Variants in ZNF676 observed in about 807,000 individuals in gnomAD.
The protein encoded by ZNF676 is zinc finger protein 676.
A neutral mutation model predicts 6.0 loss-of-function variants in ZNF676; 4 were observed. The ratio of observed to expected loss-of-function variants is 0.67; its 90% CI spans 0.33 to 1.53. The LOEUF is 1.53. ZNF676 is among the 40% of genes most tolerant of loss of function. The probability of loss-of-function intolerance (pLI) is 0.06; values close to 1 mark genes in which losing one functional copy is unlikely to be tolerated. For synonymous variants in ZNF676, 198 were observed against 223.1 expected (o/e 0.89, Z 1.00); for missense variants, 644 against 679.7 (o/e 0.95, Z 0.58).
At chr19:22,252,394 GA>G in the ZNF676 span, among the ~76,000 whole-genome samples, 9 of 126,488 alleles carry the variant, frequency 7.1e-5, no homozygotes, top group African/African-American at 1.6e-4. Flanking sequence ...GACTCTGTCT[GA>G]AAAAAAAAAA....
At chr19:22,258,781 G>A in the ZNF676 span, among the ~76,000 whole-genome samples, 1 of 152,132 alleles carries the variant, frequency 6.6e-6, no homozygotes, top group Non-Finnish European at 1.5e-5. Context: ...CCTAGGTCCT[G>A]AGTTCAGCGA....
intron 2 of ZNF676, among the ~76,000 whole-genome samples, chr19:22,186,432 C>T (rs1294249096): frequency 6.6e-6 from 1 of 152,120 alleles, no homozygotes; most frequent in Non-Finnish European, 1.5e-5. Context: ...AAAAACATAC[C>T]AAATTGTAAA....
At chr19:22,209,729 C>T (rs2024111599) in intron 1 of ZNF676, among the ~76,000 whole-genome samples, 2 of 152,096 alleles carry the variant, frequency 1.3e-5, no homozygotes, top group African/African-American at 2.4e-5. Flanking sequence ...TAGATAGTGG[C>T]CCAGGTGGGG....
the ZNF676 span, among the ~76,000 whole-genome samples, chr19:22,224,498 CTAAG>C: frequency 6.6e-6 from 1 of 151,854 alleles, no homozygotes; most frequent in Non-Finnish European, 1.5e-5. Flanking sequence ...TTTATCTTGT[CTAAG>C]TGAGTAGTTG....
At chr19:22,203,212 A>G (rs910647070) in intron 1 of ZNF676, 15 of 160,020 alleles carry the variant, frequency 9.4e-5, no homozygotes, top group Admixed American at 7.2e-4. Flanking sequence ...AAAAGGGAGC[A>G]CTGTTTCAGC....
chr19:22,192,388 T>C (rs897709442), intron 2 of ZNF676, among the ~76,000 whole-genome samples: 1 of 152,130 alleles, frequency 6.6e-6, no homozygotes, highest in African/African-American at 2.4e-5. Context: ...AAGTGATCTC[T>C]AGATTCAGTA....
At chr19:22,197,176 G>A (rs2023976063), upstream of ZNF676, among the ~76,000 whole-genome samples, 1 of 152,086 alleles carries the variant, frequency 6.6e-6, no homozygotes, top group South Asian at 2.1e-4. Flanking sequence ...CACAAAATTA[G>A]CCATGCATGG....
upstream of ZNF676, among the ~76,000 whole-genome samples, chr19:22,200,770 G>A (rs537551358): frequency 5.9e-4 from 90 of 152,020 alleles, no homozygotes; most frequent in African/African-American, 1.8e-3. Context: ...AGCTGGTCTC[G>A]AACTCCTGAC....
Position 22,205,764 on chromosome 19 carries a change from G to C in ZNF676, c.4-9038C>G, listed in dbSNP as rs960706355. Among the ~76,000 whole-genome samples, 425 of 152,020 alleles carry C rather than the reference G, an allele frequency of 2.8e-3. 4 individuals are homozygous for C. Among genetic ancestry groups the C allele is most frequent in the African/African-American group, 9.8e-3 (405 of 41,492 alleles). On this transcript the variant is annotated intron_variant, in intron 1 of 3. Coordinates refer to the ZNF676 transcript ENST00000650058. ...AAATAAAAGACTGAGAGCAACAAAA[G>C]CAAATCAGCCCCTAAGCTAGCAAAA... is the stretch of plus-strand genomic sequence containing the variant.
At chr19:22,192,296 T>C (rs1484660130) in intron 2 of ZNF676, among the ~76,000 whole-genome samples, 1 of 152,068 alleles carries the variant, frequency 6.6e-6, no homozygotes, top group African/African-American at 2.4e-5. Flanking sequence ...GATTTATCAA[T>C]GAAAAATGAG....
At chr19:22,215,543 G>A (rs1209500243) in intron 1 of ZNF676, 2 of 1,462,982 alleles carry the variant, frequency 1.4e-6, no homozygotes, top group South Asian at 1.2e-5. Context: ...AGCTGACTGC[G>A]GGTAGGCTTG....
chr19:22,252,179 G>A, the ZNF676 span, among the ~76,000 whole-genome samples: 1 of 152,098 alleles, frequency 6.6e-6, no homozygotes, highest in East Asian at 1.9e-4. Flanking sequence ...TGGATTGCCT[G>A]AGATCAAGAG....
the ZNF676 span, among the ~76,000 whole-genome samples, chr19:22,232,917 G>T: frequency 1.3e-5 from 2 of 152,056 alleles, no homozygotes; most frequent in African/African-American, 4.8e-5. Flanking sequence ...ACTACATTTT[G>T]AAGAAATAGA....
chr19:22,214,443 C>T (rs1045734533), intron 1 of ZNF676, among the ~76,000 whole-genome samples: 3 of 151,224 alleles, frequency 2.0e-5, no homozygotes, highest in African/African-American at 7.3e-5. Flanking sequence ...GGTGAAACCC[C>T]GTCCCTATTA....
chr19:22,252,033 A>T, the ZNF676 span, among the ~76,000 whole-genome samples: 1 of 152,318 alleles, frequency 6.6e-6, no homozygotes, highest in South Asian at 2.1e-4. Flanking sequence ...TAAGTAGAAC[A>T]CTTAATTTTG....
At chr19:22,245,962 T>C in the ZNF676 span, among the ~76,000 whole-genome samples, 94 of 152,134 alleles carry the variant, frequency 6.2e-4, no homozygotes, top group African/African-American at 2.2e-3. Flanking sequence ...AGCCAAAAGG[T>C]TCCTTGTGGG....
At chr19:22,220,556 A>G (rs1433996210), upstream of ZNF676, among the ~76,000 whole-genome samples, 1 of 150,162 alleles carries the variant, frequency 6.7e-6, no homozygotes, top group Admixed American at 6.7e-5. Flanking sequence ...TCCTGGGTTT[A>G]AGTGATTCTC....
chr19:22,199,131 C>G (rs900318278), upstream of ZNF676, among the ~76,000 whole-genome samples: 1 of 152,100 alleles, frequency 6.6e-6, no homozygotes, highest in African/African-American at 2.4e-5. Flanking sequence ...CTCTCAAGCT[C>G]TAAGGAGCTT....
chr19:22,190,776 A>G (rs2023898031), intron 2 of ZNF676, among the ~76,000 whole-genome samples: 2 of 151,106 alleles, frequency 1.3e-5, no homozygotes, highest in Non-Finnish European at 3.0e-5. Flanking sequence ...TTCAGTAAAT[A>G]TAATTTGAAA....
Sources: allele counts gnomAD v4.1 joint callset (sites outside exome capture counted in the v4.1 genomes callset), GRCh38; gene constraint gnomAD v4.1.1; transcripts MANE v1.5; gene names NCBI Gene and HGNC (gene_info 2026-07-23, HGNC 2026-07-21).